Variants in DNAH14 observed in about 807,000 individuals in gnomAD.
DNAH14 encodes axonemal beta dynein heavy chain 14.
In DNAH14, 478 loss-of-function variants were observed where a neutral mutation model predicts 520.9. The observed-to-expected ratio is 0.92, with a 90% CI of 0.85 to 0.99. DNAH14 has a LOEUF of 0.99. DNAH14 is among the 50% of genes least tolerant of loss of function. The probability of loss-of-function intolerance (pLI) is 0.00; values close to 1 mark genes in which losing one functional copy is unlikely to be tolerated. For missense variants in DNAH14, 4,831 were observed against 5,234.5 expected, an observed-to-expected ratio of 0.92 and a Z score of 2.38; for synonymous variants, 1,581 against 1,757.2, an observed-to-expected ratio of 0.90 and a Z score of 2.51.
chr1:224,948,844 T>G (rs2060002176), intron 1 of DNAH14, among the ~76,000 whole-genome samples: 1 of 152,200 alleles, frequency 6.6e-6, no homozygotes, highest in South Asian at 2.1e-4. Flanking sequence ...TTAGTTCTGG[T>G]CATTCCCCCT....
In DNAH14 at chr1:225,265,315, TAAG is replaced by T; in HGVS notation, c.7360_7362del (p.Lys2454del). 6.5e-7 allele frequency: 1 copy of T among 1,543,792 alleles called. No homozygotes were observed. Among genetic ancestry groups the T allele is most frequent in the Non-Finnish European group, 8.7e-7 (1 of 1,144,922 alleles). ...CTGCCAAAACCAAGGAGATGATTCTTAAGAAGTTAATAAGAAGAACTAAAGATA... is the reference window on the plus strand; with the variant it reads ...CTGCCAAAACCAAGGAGATGATTCTTAAGTTAATAAGAAGAACTAAAGATA... On this transcript the variant is annotated inframe_deletion, in exon 48 of 86. Coordinates refer to ENST00000682510, the MANE Select transcript of DNAH14 (RefSeq NM_001367479.1).
rs913519446 is a variant in DNAH14 at position 225,291,932 on chromosome 1, C to T, written c.8469+1850C>T. 4.6e-5 allele frequency among the ~76,000 whole-genome samples: 7 copies of T among 151,742 alleles called. No individual in the cohort carries two copies. The South Asian group carries it at 1.0e-3, about 23-fold the overall frequency. ...TTTAATCAGGTTTTGTTTTGTTTTTCGTTCTTTATTTTTTGTTTTTGCTGT... is the reference window on the plus strand; with the variant it reads ...TTTAATCAGGTTTTGTTTTGTTTTTTGTTCTTTATTTTTTGTTTTTGCTGT... On this transcript the variant is annotated intron_variant, in intron 55 of 85. Transcript: ENST00000682510.
chr1:224,943,927 T>C (rs1293566881), intron 1 of DNAH14, among the ~76,000 whole-genome samples: 1 of 152,192 alleles, frequency 6.6e-6, no homozygotes, highest in Non-Finnish European at 1.5e-5. Context: ...ATGTGGTCAA[T>C]TTTTGAATAA....
intron 43 of DNAH14, among the ~76,000 whole-genome samples, chr1:225,242,607 C>T (rs2092031253): frequency 6.6e-6 from 1 of 152,156 alleles, no homozygotes; most frequent in East Asian, 1.9e-4. Context: ...TGGAATACCA[C>T]ATGAAGGACC....
At chr1:225,293,809 TTAAAA>T (rs957607665) in intron 55 of DNAH14, among the ~76,000 whole-genome samples, 5 of 151,850 alleles carry the variant, frequency 3.3e-5, no homozygotes, top group African/African-American at 7.3e-5. Flanking sequence ...ACTTCTGAAC[TTAAAA>T]TAAAAGTTTT....
intron 66 of DNAH14, among the ~76,000 whole-genome samples, chr1:225,335,274 AT>A (rs771269400): frequency 0.077 from 7,122 of 92,276 alleles, 842 homozygotes; most frequent in African/African-American, 0.11. Context: ...ACACGTGTAC[AT>A]TGTGTGTATA....
intron 84 of DNAH14, among the ~76,000 whole-genome samples, chr1:225,395,233 A>C (rs2095990291): frequency 6.6e-6 from 1 of 152,230 alleles, no homozygotes; most frequent in South Asian, 2.1e-4. Context: ...AAAGATCCTA[A>C]GGTTGAATCA....
Position 225,324,334 on chromosome 1 carries a change from A to G in DNAH14, c.9608A>G (p.Asn3203Ser). 1 of 1,551,926 alleles carries G rather than the reference A, an allele frequency of 6.4e-7. No individual in the cohort carries two copies. The highest frequency in any genetic ancestry group is 1.2e-5 in the South Asian group (1 of 84,066). ...SLCQWVIALN[N>S]YHEVQKVVGP... Reference sequence around the variant, plus strand: ...TGCCAGTGGGTTATAGCTTTGAATAACTACCATGAAGTACAGAAGGTATGC... The same window carrying G: ...TGCCAGTGGGTTATAGCTTTGAATAGCTACCATGAAGTACAGAAGGTATGC... The change falls in exon 63 of 86, where the codon AAC becomes AGC. Residue 3203 changes from asparagine to serine, a missense_variant. Physicochemically the swap from Asn to Ser is conservative, Grantham distance 46 (BLOSUM62 1). Coordinates refer to ENST00000682510, the MANE Select transcript of DNAH14 (RefSeq NM_001367479.1).
At chr1:225,041,048 T>C (rs769081204) in intron 12 of DNAH14, among the ~76,000 whole-genome samples, 38 of 152,228 alleles carry the variant, frequency 2.5e-4, no homozygotes, top group Non-Finnish European at 4.9e-4. Context: ...TATATATACA[T>C]GTGTGGGTTC....
chr1:225,094,656 CAAAAAAAAAAAAAAAAAAA>C (rs760828776), intron 21 of DNAH14, among the ~76,000 whole-genome samples: 29,347 of 79,014 alleles, frequency 0.37, 6,579 homozygotes, highest in African/African-American at 0.65. Context: ...TTCTGCACAG[CAAAAAAAAAAAAAAAAAAA>C]AAACAACAAA....
At chr1:225,315,561 C>T (rs2094450969) in intron 60 of DNAH14, among the ~76,000 whole-genome samples, 1 of 151,954 alleles carries the variant, frequency 6.6e-6, no homozygotes, top group Non-Finnish European at 1.5e-5. Context: ...GCTGGTTTTT[C>T]CTTATCTTTG....
chr1:225,036,229 A>G (rs1330890904), intron 11 of DNAH14, among the ~76,000 whole-genome samples: 3 of 152,048 alleles, frequency 2.0e-5, no homozygotes, highest in African/African-American at 7.2e-5. Context: ...TCCGCCTCCC[A>G]GGTTCACGCA....
intron 55 of DNAH14, among the ~76,000 whole-genome samples, chr1:225,299,114 TC>T (rs1327240085): frequency 1.5e-4 from 23 of 152,224 alleles, no homozygotes; most frequent in Non-Finnish European, 3.4e-4. Context: ...TCCAAGTACT[TC>T]TAGCCAGCCA....
intron 83 of DNAH14, among the ~76,000 whole-genome samples, chr1:225,391,970 A>T (rs1051136519): frequency 6.6e-6 from 1 of 152,048 alleles, no homozygotes; most frequent in Non-Finnish European, 1.5e-5. Context: ...ATGAGGCATG[A>T]TCATCGGCCA....
rs542663576 is a variant in DNAH14, at chr1:225,349,674, G to A, written c.11297-1973G>A. On this transcript the variant is annotated intron_variant, in intron 71 of 85. Transcript: ENST00000682510. ...TGTACTAATATCAGATGAAGTAAAC[G>A]TGAAATCAAAACTGTTACAAAAGAC... Among the ~76,000 whole-genome samples, 8 of 152,146 alleles carry A rather than the reference G, an allele frequency of 5.3e-5. No homozygotes were observed. In the East Asian group the frequency reaches 9.7e-4, roughly 18 times the overall value.
intron 31 of DNAH14, among the ~76,000 whole-genome samples, chr1:225,150,103 CAT>C (rs1212824195): frequency 3.3e-5 from 5 of 152,126 alleles, no homozygotes; most frequent in Non-Finnish European, 2.9e-5. Context: ...GAATTTTTAA[CAT>C]GAAGGATGTT....
chr1:225,272,016 T>C lies in DNAH14; in HGVS notation c.7782T>C (p.Asn2594=). 1 of 1,550,948 alleles carries C rather than the reference T, an allele frequency of 6.4e-7. No individual in the cohort carries two copies. The highest frequency in any genetic ancestry group is 2.5e-5 in the East Asian group (1 of 40,782). Residue 2594 remains asparagine, a synonymous_variant, in exon 51 of 86, where the codon AAT becomes AAC. Coordinates refer to ENST00000682510, the MANE Select transcript of DNAH14 (RefSeq NM_001367479.1). Reference sequence around the variant, plus strand: ...CTATATACCATCAAGTACGTCAGAATATGTTACCAACTCCAACAAAATGTC... The same window carrying C: ...CTATATACCATCAAGTACGTCAGAACATGTTACCAACTCCAACAAAATGTC... ...SLAIYHQVRQ[N]MLPTPTKCHY... is the part of the protein sequence containing the mutation.
chr1:225,360,862 T>C lies in DNAH14; in HGVS notation c.11958T>C (p.Phe3986=), dbSNP rs562577163. 136 of 1,551,742 alleles carry C rather than the reference T, an allele frequency of 8.8e-5. No homozygotes were observed. The highest frequency in any genetic ancestry group is 1.1e-4 in the Non-Finnish European group (122 of 1,146,986). The change falls in exon 75 of 86, where the codon TTT becomes TTC. Residue 3986 remains phenylalanine (F), a synonymous_variant. Transcript: ENST00000682510. ...AGAACTGCCATCTTGCAACATCATT[T>C]ATGCCAAGGCTTTGCACAATTGTAG... ...FLQNCHLATS[F]MPRLCTIVES...
At position 225,192,569 on chromosome 1, in the gene DNAH14, C is replaced by T. The variant is rs559320387; in HGVS notation, c.5671-127C>T. 1.4e-4 allele frequency: 81 copies of T among 590,768 alleles called. No homozygotes were observed. In the African/African-American group the frequency reaches 1.4e-3, roughly 10 times the overall value. 36.6% of individuals were successfully genotyped at this position (590,768 alleles called of 1,614,324 possible). A position where few individuals can be genotyped will look rare whatever the true frequency, so the allele number is the denominator to read the frequency against. Reference sequence around the variant, plus strand: ...ATTTACTGTTCCTTGCAACTTGCTACCTTTATATAAAATCTTTTTTTGGTG... The same window carrying T: ...ATTTACTGTTCCTTGCAACTTGCTATCTTTATATAAAATCTTTTTTTGGTG... On this transcript the variant is annotated intron_variant, in intron 37 of 85. Transcript: ENST00000682510.
Sources: allele counts gnomAD v4.1 joint callset (sites outside exome capture counted in the v4.1 genomes callset), GRCh38; gene constraint gnomAD v4.1.1; transcripts MANE v1.5; gene names NCBI Gene and HGNC (gene_info 2026-07-23, HGNC 2026-07-21).